MVB12B: variants seen among roughly 807,000 people sequenced by gnomAD.
MVB12B encodes multivesicular body subunit 12B, also known as ESCRT-I complex subunit MVB12B.
Under a neutral mutation model 41.6 loss-of-function variants are expected in MVB12B, and 16 were observed. That is an observed-to-expected ratio of 0.38 (90% CI 0.26 to 0.58). The LOEUF (loss-of-function observed/expected upper bound fraction) is 0.58, where lower values mean the gene tolerates loss of function less well. Among genes scored for constraint, MVB12B ranks in the 20% least tolerant of loss-of-function variants. The probability of loss-of-function intolerance (pLI) is 0.62; values close to 1 mark genes in which losing one functional copy is unlikely to be tolerated. For missense variants in MVB12B, 274 were observed against 380.2 expected (o/e 0.72, Z 2.32); for synonymous variants, 133 against 139.7 (o/e 0.95, Z 0.34).
intron 8 of MVB12B, 92 bp downstream of exon 8, chr9:126,481,516 G>GCCCCTT: frequency 1.1e-6 from 1 of 951,568 alleles, no homozygotes; most frequent in Non-Finnish European, 1.7e-6. Context: ...GGCTGTTCTG[G>GCCCCTT]CAGTACTCAC....
At chr9:126,384,323 A>G (rs1830711146) in intron 3 of MVB12B, among the ~76,000 whole-genome samples, 1 of 152,188 alleles carries the variant, frequency 6.6e-6, no homozygotes, top group Non-Finnish European at 1.5e-5. Flanking sequence ...TCTGAGAGGA[A>G]GAAACGGTTT....
At chr9:126,477,260 G>A (rs1357245003) in intron 7 of MVB12B, among the ~76,000 whole-genome samples, 1 of 152,170 alleles carries the variant, frequency 6.6e-6, no homozygotes, top group Non-Finnish European at 1.5e-5. Context: ...AGCCATGAGG[G>A]ATCCACCTCC....
intron 7 of MVB12B, among the ~76,000 whole-genome samples, chr9:126,464,459 GACT>G (rs937510626): frequency 6.6e-6 from 1 of 152,188 alleles, no homozygotes; most frequent in Non-Finnish European, 1.5e-5. Flanking sequence ...GAAGGGCCTG[GACT>G]GTGGCATTTG....
chr9:126,363,514 A>G (rs1830082617), intron 2 of MVB12B, among the ~76,000 whole-genome samples: 2 of 152,202 alleles, frequency 1.3e-5, no homozygotes, highest in South Asian at 4.1e-4. Context: ...CCCTAACTCC[A>G]TTCTAACCTT....
Position 126,459,269 on chromosome 9 carries a change from C to G in MVB12B, c.758-22100C>G, listed in dbSNP as rs1833042434. On this transcript the variant is annotated intron_variant, in intron 7 of 9. Coordinates refer to ENST00000361171, the MANE Select transcript of MVB12B (RefSeq NM_033446.3). The surrounding 1 kb of genome is among the most constrained non-coding windows in gnomAD (Gnocchi z 4.3). ...TGAGTGGTGCCAGTGCAGGCCTCCC[C>G]TTGACTGACACATGGCTCCCTTGCC... is the stretch of plus-strand genomic sequence containing the variant. 6.6e-6 allele frequency among the ~76,000 whole-genome samples: 1 copy of G among 152,212 alleles called. No individual in the cohort carries two copies. Among genetic ancestry groups the G allele is most frequent in the Admixed American group, 6.5e-5 (1 of 15,290 alleles).
At chr9:126,497,959 C>T (rs1482388903) in intron 9 of MVB12B, among the ~76,000 whole-genome samples, 1 of 152,216 alleles carries the variant, frequency 6.6e-6, no homozygotes, top group Non-Finnish European at 1.5e-5. Context: ...AAGCAGCGGG[C>T]GGCCCACCCT....
At chr9:126,408,670 C>G (rs1183936424) in intron 6 of MVB12B, among the ~76,000 whole-genome samples, 1 of 152,210 alleles carries the variant, frequency 6.6e-6, no homozygotes, top group East Asian at 1.9e-4. Context: ...CTGGACCTAC[C>G]GTGGTCCAGT....
intron 6 of MVB12B, among the ~76,000 whole-genome samples, chr9:126,403,121 C>T (rs1457345345): frequency 6.6e-6 from 1 of 152,158 alleles, no homozygotes; most frequent in East Asian, 1.9e-4. Flanking sequence ...CTGTGGTGAC[C>T]TGATAACTGC....
intron 9 of MVB12B, among the ~76,000 whole-genome samples, chr9:126,485,839 G>GT (rs2119212628): frequency 6.6e-6 from 1 of 152,318 alleles, no homozygotes; most frequent in African/African-American, 2.4e-5. Context: ...GGGCCCTCCT[G>GT]TTTCCCTAAG....
Position 126,340,630 on chromosome 9 carries a change from A to G in MVB12B, c.204A>G (p.Val68=). 1.9e-6 allele frequency: 3 copies of G among 1,613,898 alleles called. No homozygotes were observed. Among genetic ancestry groups the G allele is most frequent in the Non-Finnish European group, 2.5e-6 (3 of 1,179,836 alleles). The change falls in exon 2 of 10, where the codon GTA becomes GTG. Residue 68 remains valine (V), a splice_region_variant and synonymous_variant. Coordinates refer to ENST00000361171, the MANE Select transcript of MVB12B (RefSeq NM_033446.3). This position sits in a 1 kb window ranked among gnomAD's most constrained non-coding sequence, Gnocchi z 4.0. ...ACCGAGCCCCGACAGGCTATGACGT[A>G]GTAAGTCAAGATACTAGTTTGTACA... is the stretch of plus-strand genomic sequence containing the variant. ...SRNRAPTGYD[V]VAQTADGVDA...
intron 5 of MVB12B, among the ~76,000 whole-genome samples, chr9:126,394,289 A>G (rs1354385438): frequency 6.6e-6 from 1 of 152,240 alleles, no homozygotes; most frequent in Non-Finnish European, 1.5e-5. Flanking sequence ...TTCAGTTGCT[A>G]TGTGTATCTT....
chr9:126,356,782 T>C (rs1490265671), intron 2 of MVB12B, among the ~76,000 whole-genome samples: 1 of 151,976 alleles, frequency 6.6e-6, no homozygotes, highest in Non-Finnish European at 1.5e-5. Context: ...CCTGATCATT[T>C]AAAACTGTGT....
At chr9:126,446,811 T>C (rs1832779263) in intron 7 of MVB12B, among the ~76,000 whole-genome samples, 1 of 151,950 alleles carries the variant, frequency 6.6e-6, no homozygotes, top group African/African-American at 2.4e-5. Flanking sequence ...TCTCTCTTTT[T>C]CTTGGTTGAT....
At chr9:126,368,687 TTA>T (rs749631697) in intron 2 of MVB12B, among the ~76,000 whole-genome samples, 6 of 152,202 alleles carry the variant, frequency 3.9e-5, no homozygotes, top group Admixed American at 1.3e-4. Context: ...CTTTCTAGAC[TTA>T]TGTTTTTCTT....
Position 126,503,413 on chromosome 9 carries a change from C to A in MVB12B, c.*150C>A. On this transcript the variant is annotated 3_prime_UTR_variant, in exon 10 of 10. Transcript: ENST00000361171. ...CCCGGAGACTGGGCAGCTAAGTGGG[C>A]GCATCCTGTCTTCAGCTGGCCTCAC... is the stretch of plus-strand genomic sequence containing the variant. 1.6e-6 allele frequency: 1 copy of A among 641,014 alleles called. No individual in the cohort carries two copies. The highest frequency in any genetic ancestry group is 4.2e-4 in the Middle Eastern group (1 of 2,382). 39.7% of individuals were successfully genotyped at this position (641,014 alleles called of 1,614,324 possible).
At chr9:126,339,798 A>G (rs1255679859) in intron 1 of MVB12B, among the ~76,000 whole-genome samples, 1 of 152,146 alleles carries the variant, frequency 6.6e-6, no homozygotes, top group African/African-American at 2.4e-5. Flanking sequence ...CGCCTACTGT[A>G]TACCAGGGAC....
At chr9:126,403,155 T>C (rs747831258) in intron 6 of MVB12B, among the ~76,000 whole-genome samples, 3 of 152,244 alleles carry the variant, frequency 2.0e-5, no homozygotes, top group Non-Finnish European at 4.4e-5. Context: ...GACACACATA[T>C]GTTCCTTTTT....
intron 5 of MVB12B, among the ~76,000 whole-genome samples, chr9:126,393,840 G>A (rs1831027737): frequency 1.3e-5 from 2 of 152,182 alleles, no homozygotes; most frequent in Admixed American, 6.5e-5. Flanking sequence ...TGTCCTCCTC[G>A]GCTTCTGAGG....
intron 8 of MVB12B, among the ~76,000 whole-genome samples, chr9:126,482,060 C>A (rs1833534633): frequency 6.6e-6 from 1 of 152,228 alleles, no homozygotes; most frequent in South Asian, 2.1e-4. Context: ...TCAGAGGGAC[C>A]GAGTGAGCTG....
Sources: allele counts gnomAD v4.1 joint callset (sites outside exome capture counted in the v4.1 genomes callset), GRCh38; gene constraint gnomAD v4.1.1; non-coding constraint Gnocchi (gnomAD v3.1); transcripts MANE v1.5; gene names NCBI Gene and HGNC (gene_info 2026-07-23, HGNC 2026-07-21).